The following DLG2 variants were observed in gnomAD, a reference collection of about 807,000 sequenced individuals.
The protein encoded by DLG2 is disks large homolog 2.
Under a neutral mutation model 132.5 loss-of-function variants are expected in DLG2, and 45 were observed. The observed-to-expected ratio is 0.34, with a 90% CI of 0.27 to 0.44. The LOEUF (loss-of-function observed/expected upper bound fraction) is 0.44. Ranked by LOEUF, DLG2 falls within the 20% of genes least tolerant of loss-of-function variation. DLG2 has a pLI of 1.00. For synonymous variants in DLG2, 424 were observed against 419.6 expected, an observed-to-expected ratio of 1.01 and a Z score of -0.13; for missense variants, 1,045 against 1,196.9, an observed-to-expected ratio of 0.87 and a Z score of 1.87.
In DLG2 at chr11:85,462,411, A is replaced by T. The variant is rs1033534055; in HGVS notation, c.40+136246T>A. 7.2e-5 allele frequency among the ~76,000 whole-genome samples: 11 copies of T among 152,196 alleles called. No individual in the cohort carries two copies. In the East Asian group the frequency reaches 7.7e-4, roughly 11 times the overall value. On this transcript the variant is annotated intron_variant, in intron 3 of 27. Coordinates refer to ENST00000376104, the MANE Select transcript of DLG2 (RefSeq NM_001142699.3). ...GACTTGGAACCAACCCATATGTCCG[A>T]CAATGATAGACTGGATTAAGACAAT... is the stretch of plus-strand genomic sequence containing the variant.
intron 6 of DLG2, among the ~76,000 whole-genome samples, chr11:84,883,773 T>G (rs17147713): frequency 0.08 from 12,244 of 152,174 alleles, 1,054 homozygotes; most frequent in African/African-American, 0.22. Flanking sequence ...TCTGGAGGCT[T>G]TGTTTCTTTC....
chr11:85,212,460 C>T (rs1451263529), intron 4 of DLG2, among the ~76,000 whole-genome samples: 1 of 152,088 alleles, frequency 6.6e-6, no homozygotes, highest in Non-Finnish European at 1.5e-5. Context: ...TTTTCCATCA[C>T]AACTGATTTG....
intron 6 of DLG2, among the ~76,000 whole-genome samples, chr11:84,749,708 T>C (rs187000262): frequency 1.2e-3 from 188 of 152,260 alleles, no homozygotes; most frequent in African/African-American, 4.3e-3. Flanking sequence ...ATGGCTGTTT[T>C]TGTACAATTT....
At chr11:84,372,310 C>A (rs1339175034) in intron 7 of DLG2, among the ~76,000 whole-genome samples, 1 of 151,932 alleles carries the variant, frequency 6.6e-6, no homozygotes. Context: ...TATGCTGGAC[C>A]GCATATGCAG....
intron 3 of DLG2, among the ~76,000 whole-genome samples, chr11:85,461,915 C>A (rs2092627817): frequency 6.6e-6 from 1 of 152,086 alleles, no homozygotes; most frequent in Non-Finnish European, 1.5e-5. Context: ...TGACAAAGGG[C>A]TAATATCCAG....
At chr11:85,524,243 T>C (rs2074558915) in intron 3 of DLG2, among the ~76,000 whole-genome samples, 1 of 152,068 alleles carries the variant, frequency 6.6e-6, no homozygotes, top group Admixed American at 6.6e-5. Flanking sequence ...TAAAAGAGTA[T>C]AACTGGATTA....
At chr11:85,507,870 TGTA>T (rs748698093) in intron 3 of DLG2, among the ~76,000 whole-genome samples, 45 of 152,214 alleles carry the variant, frequency 3.0e-4, no homozygotes, top group Non-Finnish European at 5.0e-4. Flanking sequence ...GGTCTTTTCA[TGTA>T]GTCCCATAGT....
chr11:84,800,621 CA>C (rs1338580856), intron 6 of DLG2: 1 of 152,116 alleles, frequency 6.6e-6, no homozygotes, highest in East Asian at 1.9e-4. Flanking sequence ...TTCTGATTCA[CA>C]GTTGATCATA....
intron 7 of DLG2, among the ~76,000 whole-genome samples, chr11:84,488,471 G>T (rs2154495225): frequency 6.6e-6 from 1 of 152,210 alleles, no homozygotes; most frequent in South Asian, 2.1e-4. Context: ...TTGCTGTTGG[G>T]TATAGGTTTT....
At chr11:84,820,495 C>A (rs1342545136) in intron 6 of DLG2, among the ~76,000 whole-genome samples, 1 of 151,880 alleles carries the variant, frequency 6.6e-6, no homozygotes, top group East Asian at 1.9e-4. Context: ...GAAAAATCCC[C>A]TGGACTCACA....
chr11:84,849,204 A>G (rs1224685899), intron 6 of DLG2, among the ~76,000 whole-genome samples: 1 of 152,192 alleles, frequency 6.6e-6, no homozygotes, highest in African/African-American at 2.4e-5. Context: ...CTAAAGAACT[A>G]CATAGCTGAA....
intron 3 of DLG2, among the ~76,000 whole-genome samples, chr11:85,467,739 G>A (rs577838511): frequency 1.1e-4 from 17 of 152,202 alleles, no homozygotes; most frequent in South Asian, 8.3e-4. Flanking sequence ...TTTTTGCATC[G>A]ATGTTCATCA....
At chr11:84,590,399 A>C (rs1166294665) in intron 6 of DLG2, among the ~76,000 whole-genome samples, 4 of 152,178 alleles carry the variant, frequency 2.6e-5, no homozygotes, top group Admixed American at 2.6e-4. Flanking sequence ...CAAGTAAATA[A>C]GCTCTGAGAT....
chr11:84,767,344 G>C (rs1448933345), intron 6 of DLG2, among the ~76,000 whole-genome samples: 1 of 151,992 alleles, frequency 6.6e-6, no homozygotes, highest in Non-Finnish European at 1.5e-5. Flanking sequence ...GGATCAGACA[G>C]ACGCAGAAAC....
chr11:83,790,711 T>C, intron 17 of DLG2: 1 of 793,916 alleles, frequency 1.3e-6, no homozygotes, highest in Non-Finnish European at 2.3e-6. Flanking sequence ...GTGGTGCCAG[T>C]CAACAACCCA....
At chr11:84,059,010 T>C (rs2096549317) in intron 11 of DLG2, among the ~76,000 whole-genome samples, 1 of 152,108 alleles carries the variant, frequency 6.6e-6, no homozygotes, top group African/African-American at 2.4e-5. Context: ...GAAAAATTAG[T>C]ATTAATATGC....
At chr11:84,741,775 C>A (rs1391982377) in intron 6 of DLG2, among the ~76,000 whole-genome samples, 1 of 152,098 alleles carries the variant, frequency 6.6e-6, no homozygotes, top group African/African-American at 2.4e-5. Context: ...AACATGGTAT[C>A]TCTAAAGGAA....
At chr11:85,358,980 T>C (rs1159613006) in intron 3 of DLG2, among the ~76,000 whole-genome samples, 1 of 152,222 alleles carries the variant, frequency 6.6e-6, no homozygotes, top group Non-Finnish European at 1.5e-5. Flanking sequence ...TCTAAATTTA[T>C]ACTAGATTTG....
chr11:84,855,824 C>T (rs549588600), intron 6 of DLG2, among the ~76,000 whole-genome samples: 31 of 152,136 alleles, frequency 2.0e-4, no homozygotes, highest in African/African-American at 7.2e-4. Flanking sequence ...AGTCAGCATC[C>T]AGGAGAGATT....
Sources: allele counts gnomAD v4.1 joint callset (sites outside exome capture counted in the v4.1 genomes callset), GRCh38; gene constraint gnomAD v4.1.1; transcripts MANE v1.5; gene names NCBI Gene and HGNC (gene_info 2026-07-23, HGNC 2026-07-21).